IFT20: variants seen among roughly 807,000 people sequenced by gnomAD.
IFT20 encodes the protein intraflagellar transport 20.
In IFT20, 4 loss-of-function variants were observed where a neutral mutation model predicts 16.9. The ratio of observed to expected loss-of-function variants is 0.24; its 90% confidence interval spans 0.12 to 0.54. The LOEUF is 0.54. Among genes scored for constraint, IFT20 ranks in the 20% least tolerant of loss-of-function variants. The probability of loss-of-function intolerance (pLI) is 0.95; values close to 1 mark genes in which losing one functional copy is unlikely to be tolerated. For missense variants in IFT20, 154 were observed against 149.7 expected (o/e 1.03, Z -0.15); for synonymous variants, 48 against 49.9 (o/e 0.96, Z 0.16).
At chr17:28,333,356 G>A (rs1555576870) in intron 1 of IFT20, among the ~76,000 whole-genome samples, 1 of 152,236 alleles carries the variant, frequency 6.6e-6, no homozygotes, top group Non-Finnish European at 1.5e-5. Context: ...GTGTGCCAAG[G>A]AGGAGCAATG....
Position 28,328,329 on chromosome 17 carries a change from T to C in IFT20, c.*323A>G, listed in dbSNP as rs1298424916. ...ACAGGAAAAAAGGTACATCAAGCCA[T>C]TTGAAAACAAAAATTTATTGCTTCT... On this transcript the variant is annotated 3_prime_UTR_variant, in exon 5 of 5. Coordinates refer to ENST00000395418, the MANE Select transcript of IFT20 (RefSeq NM_001267776.2). 6.2e-5 allele frequency: 16 copies of C among 256,530 alleles called. No homozygotes were observed. In the South Asian group the frequency reaches 8.8e-4, roughly 14 times the overall value. The allele number at this position is 256,530 out of a possible 1,614,324, so 15.9% of individuals were successfully genotyped here.
chr17:28,330,789 T>C (rs1157689453), intron 2 of IFT20, among the ~76,000 whole-genome samples: 2 of 152,172 alleles, frequency 1.3e-5, no homozygotes, highest in East Asian at 3.9e-4. Context: ...CTGGGGAACA[T>C]AGCAAGACCC....
At chr17:28,329,461 G>A (rs1243849790) in intron 3 of IFT20, 185 bp from the exon 4 acceptor site, 1 of 572,916 alleles carries the variant, frequency 1.7e-6, no homozygotes, top group Non-Finnish European at 3.1e-6. Context: ...TCAAGAACTA[G>A]ACGGCAGCTT....
chr17:28,332,174 G>A, intron 1 of IFT20, 187 bp from the exon 2 acceptor site: 2 of 1,538,860 alleles, frequency 1.3e-6, no homozygotes, highest in Non-Finnish European at 1.7e-6. Flanking sequence ...CCCTAGAGGA[G>A]TTCTGCTCTG....
At chr17:28,329,343 G>T in intron 3 of IFT20, 67 bp from the exon 4 acceptor site, 1 of 1,255,330 alleles carries the variant, frequency 8.0e-7, no homozygotes, top group South Asian at 1.2e-5. Flanking sequence ...CCTCAAAGTG[G>T]GGAGGGGTTA....
At chr17:28,332,877 G>A (rs1906880663) in intron 1 of IFT20, among the ~76,000 whole-genome samples, 1 of 152,094 alleles carries the variant, frequency 6.6e-6, no homozygotes, top group Non-Finnish European at 1.5e-5. Context: ...GAAAAAGAAT[G>A]GAGCTGGAAA....
chr17:28,332,458 A>C (rs1906854011), intron 1 of IFT20: 1 of 408,150 alleles, frequency 2.5e-6, no homozygotes, highest in African/African-American at 2.0e-5. Flanking sequence ...GTAAAGAGCC[A>C]GAGGAGGACA....
chr17:28,332,017 A>G, intron 1 of IFT20, 30 bp from the exon 2 acceptor site: 1 of 1,613,602 alleles, frequency 6.2e-7, no homozygotes. Context: ...ATTCCTCATC[A>G]CTTCCCAGCC....
chr17:28,328,879 C>T, intron 4 of IFT20, 146 bp from the exon 5 acceptor site: 1 of 669,718 alleles, frequency 1.5e-6, no homozygotes, highest in South Asian at 1.9e-5. Flanking sequence ...AAGCCCTACC[C>T]AGAGCCACCC....
At chr17:28,331,411 T>A (rs1202799550) in intron 2 of IFT20, 7 of 161,262 alleles carry the variant, frequency 4.3e-5, no homozygotes, top group African/African-American at 1.7e-4. Flanking sequence ...TCCTGAAGAT[T>A]TCCAGCCAAA....
chr17:28,328,867 C>A, intron 4 of IFT20, 134 bp from the exon 5 acceptor site: 1 of 701,778 alleles, frequency 1.4e-6, no homozygotes, highest in Non-Finnish European at 2.5e-6. Flanking sequence ...AAGAAAGAGG[C>A]AAAGCCCTAC....
At chr17:28,332,129 A>T (rs1220854735) in intron 1 of IFT20, 142 bp from the exon 2 acceptor site, 3 of 1,561,186 alleles carry the variant, frequency 1.9e-6, no homozygotes, top group Non-Finnish European at 2.6e-6. Context: ...CTCTGCCACC[A>T]CCTCTCTGAG....
chr17:28,329,924 G>C (rs1234309089), intron 3 of IFT20: 10 of 358,900 alleles, frequency 2.8e-5, no homozygotes, highest in Non-Finnish European at 5.0e-5. Flanking sequence ...GCCAGGCATG[G>C]TGGCACATGC....
At chr17:28,335,235 T>C (rs1907070038) in intron 1 of IFT20, 105 bp downstream of exon 1, 1 of 152,128 alleles carries the variant, frequency 6.6e-6, no homozygotes, top group Non-Finnish European at 1.5e-5. Context: ...GGGGCGGAAT[T>C]CCCACGTCTC....
chr17:28,328,901 C>G (rs1906521568), intron 4 of IFT20, 168 bp from the exon 5 acceptor site: 1 of 639,460 alleles, frequency 1.6e-6, no homozygotes, highest in Non-Finnish European at 2.8e-6. Context: ...TGAGAAATCT[C>G]CAGCCCTAGG....
chr17:28,330,584 G>T, intron 2 of IFT20, 56 bp from the exon 3 acceptor site: 1 of 1,178,758 alleles, frequency 8.5e-7, no homozygotes, highest in Non-Finnish European at 1.3e-6. Flanking sequence ...ACTCCCCTTC[G>T]GTAGAGTGCT....
At chr17:28,330,681 T>C (rs1405177261) in intron 2 of IFT20, among the ~76,000 whole-genome samples, 153 bp from the exon 3 acceptor site, 1 of 152,136 alleles carries the variant, frequency 6.6e-6, no homozygotes, top group Non-Finnish European at 1.5e-5. Flanking sequence ...AGAGCAACTG[T>C]AGTCCCAGCT....
At chr17:28,334,474 C>A (rs1222296739) in intron 1 of IFT20, among the ~76,000 whole-genome samples, 1 of 152,224 alleles carries the variant, frequency 6.6e-6, no homozygotes, top group Non-Finnish European at 1.5e-5. Context: ...CTCTGAAAGA[C>A]GCAGTCATGA....
intron 1 of IFT20, among the ~76,000 whole-genome samples, chr17:28,334,466 C>T (rs1555577052): frequency 6.6e-6 from 1 of 152,234 alleles, no homozygotes; most frequent in African/African-American, 2.4e-5. Context: ...ACCGAAGGCT[C>T]TGAAAGACGC....
Sources: allele counts gnomAD v4.1 joint callset (sites outside exome capture counted in the v4.1 genomes callset), GRCh38; gene constraint gnomAD v4.1.1; transcripts MANE v1.5; gene names NCBI Gene and HGNC (gene_info 2026-07-23, HGNC 2026-07-21).